ANKFY1: variants seen among roughly 807,000 people sequenced by gnomAD.
ANKFY1 encodes the protein ankyrin repeat and FYVE domain containing 1.
Under a neutral mutation model 128.3 loss-of-function variants are expected in ANKFY1, and 47 were observed. The ratio of observed to expected loss-of-function variants is 0.37; its 90% CI spans 0.29 to 0.47. The LOEUF (loss-of-function observed/expected upper bound fraction) is 0.47. ANKFY1 is among the 20% of genes least tolerant of loss of function. The pLI, the probability that ANKFY1 is intolerant of heterozygous loss-of-function variation, is 1.00. For synonymous variants in ANKFY1, 553 were observed against 601.6 expected (o/e 0.92, Z 1.18); for missense variants, 1,222 against 1,510.6 (o/e 0.81, Z 3.17).
chr17:4,189,558 G>T, intron 10 of ANKFY1, 79 bp from the exon 11 acceptor site: 2 of 1,278,454 alleles, frequency 1.6e-6, no homozygotes, highest in Non-Finnish European at 2.2e-6. Context: ...GCTCTTCCCT[G>T]CCACCCTATG....
At chr17:4,193,836 T>C (rs967864549) in intron 10 of ANKFY1, among the ~76,000 whole-genome samples, 1 of 151,856 alleles carries the variant, frequency 6.6e-6, no homozygotes, top group Non-Finnish European at 1.5e-5. Context: ...CTTGGCTCAC[T>C]GCAACCTCTG....
At chr17:4,201,410 T>TGGCACTGGGGCAGACAAGAG in intron 7 of ANKFY1, among the ~76,000 whole-genome samples, 1 of 152,208 alleles carries the variant, frequency 6.6e-6, no homozygotes, top group African/African-American at 2.4e-5. Context: ...ATGTGGGCTC[T>TGGCACTGGGGCAGACAAGAG]GGCACTGGGG....
chr17:4,235,340 C>CA (rs10677242), intron 3 of ANKFY1, among the ~76,000 whole-genome samples: 9,726 of 116,708 alleles, frequency 0.083, 1,137 homozygotes, highest in African/African-American at 0.26. Flanking sequence ...GACTCTGTCT[C>CA]AAAAAAAAAA....
At chr17:4,211,938 A>G (rs1157605871) in intron 4 of ANKFY1, among the ~76,000 whole-genome samples, 1 of 152,068 alleles carries the variant, frequency 6.6e-6, no homozygotes, top group Non-Finnish European at 1.5e-5. Context: ...AACATCAACT[A>G]CATCAGAGAA....
chr17:4,201,163 T>C (rs1335166760), intron 7 of ANKFY1, among the ~76,000 whole-genome samples: 1 of 152,154 alleles, frequency 6.6e-6, no homozygotes, highest in South Asian at 2.1e-4. Flanking sequence ...CCCAAGTAGC[T>C]AGGGGTACAG....
intron 1 of ANKFY1, chr17:4,263,532 G>A: frequency 1.3e-6 from 2 of 1,528,740 alleles, no homozygotes; most frequent in South Asian, 2.4e-5. Flanking sequence ...GCGAGGGATG[G>A]ACCCCTTCCG....
In ANKFY1 at chr17:4,219,765, T is replaced by C. The variant is rs368382076; in HGVS notation, c.323-2647A>G. On this transcript the variant is annotated intron_variant, in intron 3 of 24. Transcript: ENST00000341657. Reference sequence around the variant, plus strand: ...AGTGAAATACACTAAAATGATAATATTGTAGTTACTATGTTAAAGTTTTTC... The same window carrying C: ...AGTGAAATACACTAAAATGATAATACTGTAGTTACTATGTTAAAGTTTTTC... 7.2e-5 allele frequency among the ~76,000 whole-genome samples: 11 copies of C among 152,168 alleles called. No individual in the cohort carries two copies. The East Asian group carries it at 1.9e-3, about 27-fold the overall frequency.
intron 3 of ANKFY1, among the ~76,000 whole-genome samples, chr17:4,220,550 A>T (rs1267078958): frequency 4.6e-5 from 7 of 152,204 alleles, no homozygotes; most frequent in Non-Finnish European, 2.9e-5. Context: ...AAAAACCTAG[A>T]TTATCAAAAA....
At chr17:4,211,050 T>A (rs79355905) in intron 4 of ANKFY1, among the ~76,000 whole-genome samples, 4 of 147,622 alleles carry the variant, frequency 2.7e-5, no homozygotes, top group South Asian at 2.1e-4. Flanking sequence ...ACAAAAAAAA[T>A]AAAAAGAAAA....
rs138734626 is a variant in ANKFY1, at chr17:4,223,398, C to T, written c.323-6280G>A. The T allele has an allele frequency of 1.8e-4, 282 of 1,567,002 alleles. No homozygotes were observed. In the African/African-American group the frequency reaches 3.1e-3, roughly 17 times the overall value. The stretch of plus-strand genomic sequence containing the variant: ...TGTGGAATGAGCTACCTGGCCAGAA[C>T]GGAAGTCATCCACAAAGACCTGGCT... On this transcript the variant is annotated intron_variant, in intron 3 of 24. Coordinates refer to ENST00000341657, the MANE Select transcript of ANKFY1 (RefSeq NM_001330063.2).
chr17:4,223,743 G>A, intron 3 of ANKFY1: 1 of 1,577,288 alleles, frequency 6.3e-7, no homozygotes, highest in Non-Finnish European at 8.7e-7. Context: ...GCCTGTTGCT[G>A]GGCCTTAGAT....
rs1002110708 is a variant in ANKFY1 at position 4,166,399 on chromosome 17, A to G, written c.*1380T>C. The G allele has an allele frequency of 6.5e-6, 1 of 152,686 alleles. No homozygotes were observed. The highest frequency in any genetic ancestry group is 2.4e-5 in the African/African-American group (1 of 41,476). The allele number at this position is 152,686 out of a possible 1,614,324, so 9.5% of individuals were successfully genotyped here. ...TGATTGAGATTGTTAATCTCTGAGT[A>G]TAACACATATTGTTCATCTCAGAGT... is the stretch of plus-strand genomic sequence containing the variant. On this transcript the variant is annotated 3_prime_UTR_variant, in exon 25 of 25. Transcript: ENST00000341657.
chr17:4,245,742 C>CA (rs71383536), intron 1 of ANKFY1, among the ~76,000 whole-genome samples: 8 of 55,314 alleles, frequency 1.4e-4, no homozygotes, highest in Admixed American at 1.2e-3. Flanking sequence ...GACCCTGTCT[C>CA]AAAAAAAAAA....
At chr17:4,168,036 G>T (rs562182671) in intron 24 of ANKFY1, 125 bp from the exon 25 acceptor site, 1 of 1,004,678 alleles carries the variant, frequency 1.0e-6, no homozygotes. Flanking sequence ...TGGCAACTCT[G>T]CCAACTGCCA....
rs1004677362 is a variant in ANKFY1, at chr17:4,178,422, G to A, written c.2598+435C>T. ...ATCAACAGTTCACCATCCCGATGTAGCAGCTGGTAAAGAACCACAAAGAAC... is the reference window on the plus strand; with the variant it reads ...ATCAACAGTTCACCATCCCGATGTAACAGCTGGTAAAGAACCACAAAGAAC... On this transcript the variant is annotated intron_variant, in intron 18 of 24. Coordinates refer to ENST00000341657, the MANE Select transcript of ANKFY1 (RefSeq NM_001330063.2). This position sits in a 1 kb window ranked among gnomAD's most constrained non-coding sequence, Gnocchi z 4.1. 12 of 202,844 alleles carry A rather than the reference G, an allele frequency of 5.9e-5. No homozygotes were observed. The highest frequency in any genetic ancestry group is 1.2e-4 in the Non-Finnish European group (12 of 96,388). The allele number at this position is 202,844 out of a possible 1,614,324, so 12.6% of individuals were successfully genotyped here. A position where few individuals can be genotyped will look rare whatever the true frequency, so the allele number is the denominator to read the frequency against.
intron 2 of ANKFY1, among the ~76,000 whole-genome samples, chr17:4,238,624 C>G (rs1967040688): frequency 6.6e-6 from 1 of 152,072 alleles, no homozygotes. Context: ...CAGGTGCGCG[C>G]CACCACGCTC....
chr17:4,207,024 C>T (rs954680233), intron 6 of ANKFY1, among the ~76,000 whole-genome samples: 16 of 152,124 alleles, frequency 1.1e-4, no homozygotes, highest in African/African-American at 3.6e-4. Context: ...AAACATACCA[C>T]GTTACATGGC....
intron 3 of ANKFY1, chr17:4,221,942 A>G (rs1212299131): frequency 1.3e-5 from 2 of 152,242 alleles, no homozygotes; most frequent in Admixed American, 6.5e-5. Context: ...TCTACTTCAC[A>G]TAAAATTTTT....
chr17:4,217,197 A>G (rs767691867), intron 3 of ANKFY1, 79 bp from the exon 4 acceptor site: 34 of 1,517,240 alleles, frequency 2.2e-5, no homozygotes, highest in Non-Finnish European at 2.9e-5. Flanking sequence ...CTAAAATTTG[A>G]GGCTAATAAA....
Sources: gnomAD v4.1 joint callset for allele counts (sites outside exome capture counted in the v4.1 genomes callset) on GRCh38, gnomAD v4.1.1 for gene constraint, Gnocchi (gnomAD v3.1) non-coding constraint, MANE v1.5 for transcripts, NCBI Gene and HGNC (gene_info 2026-07-23, HGNC 2026-07-21) for gene names.